The following SZT2 variants were observed in gnomAD, a reference collection of about 807,000 sequenced individuals.
SZT2 encodes the protein SZT2 subunit of KICSTOR complex, also known as KICSTOR complex protein SZT2.
A neutral mutation model predicts 404.2 loss-of-function variants in SZT2; 216 were observed. The ratio of observed to expected loss-of-function variants is 0.53; its 90% CI spans 0.48 to 0.60. The LOEUF is 0.60. Among genes scored for constraint, SZT2 ranks in the 20% least tolerant of loss-of-function variants. SZT2 has a pLI of 0.00. For missense variants in SZT2, 3,857 were observed against 4,459.2 expected (o/e 0.86, Z 3.85); for synonymous variants, 1,693 against 1,749.9 (o/e 0.97, Z 0.81).
Position 43,439,426 on chromosome 1 carries a change from G to C in SZT2, c.6861G>C (p.Gln2287His). Reference sequence around the variant, plus strand: ...ACTTGTATAACAAGCCTGGTGGACAGGGCACTGGGGGCAAAGGTACGGTGC... The same window carrying C: ...ACTTGTATAACAAGCCTGGTGGACACGGCACTGGGGGCAAAGGTACGGTGC... ...DIYLYNKPGG[Q>H]GTGGKGVACI... The change falls in exon 49 of 72, where the codon CAG becomes CAC. Residue 2287 changes from glutamine to histidine, a missense_variant. Coordinates refer to ENST00000634258, the MANE Select transcript of SZT2 (RefSeq NM_001365999.1). This position sits in a 1 kb window ranked among gnomAD's most constrained non-coding sequence, Gnocchi z 4.2. 13 of 1,612,072 alleles carry C rather than the reference G, an allele frequency of 8.1e-6. No individual in the cohort carries two copies. The highest frequency in any genetic ancestry group is 1.1e-5 in the Non-Finnish European group (13 of 1,178,938).
intron 14 of SZT2, 94 bp downstream of exon 14, chr1:43,422,977 G>A: frequency 6.7e-7 from 1 of 1,492,428 alleles, no homozygotes; most frequent in African/African-American, 1.4e-5. Context: ...CTAATAGAGG[G>A]AGGAGCCCCC....
Position 43,420,157 on chromosome 1 carries a change from T to C in SZT2, c.1095T>C (p.Ser365=). 1 of 1,598,352 alleles carries C rather than the reference T, an allele frequency of 6.3e-7. No homozygotes were observed. Among genetic ancestry groups the C allele is most frequent in the Non-Finnish European group, 8.5e-7 (1 of 1,179,748 alleles). Reference sequence around the variant, plus strand: ...CCATCTCCACTGGTCTTCCAGGCTCTCAGCACCGCCTATTTAATGAGCACC... The same window carrying C: ...CCATCTCCACTGGTCTTCCAGGCTCCCAGCACCGCCTATTTAATGAGCACC... ...EALNPEYYCG[S]QHRLFNEHLV... The change falls in exon 9 of 72, where the codon TCT becomes TCC. Residue 365 remains serine, a synonymous_variant. Coordinates refer to ENST00000634258, the MANE Select transcript of SZT2 (RefSeq NM_001365999.1). The surrounding 1 kb of genome is among the most constrained non-coding windows in gnomAD (Gnocchi z 5.1).
At chr1:43,411,956 T>G (rs928436674) in intron 4 of SZT2, 2 of 151,650 alleles carry the variant, frequency 1.3e-5, no homozygotes, top group African/African-American at 4.9e-5. Flanking sequence ...TGTTTTGTAT[T>G]TTAAGTAGAG....
In SZT2 at chr1:43,420,650, A is replaced by G. The variant is rs2782642; in HGVS notation, c.1262-99A>G. 0.38 allele frequency: 439,646 copies of G among 1,169,220 alleles called. 87,628 individuals carry two copies. The highest frequency in any genetic ancestry group is 0.41 in the Non-Finnish European group (343,022 of 829,172). 72.4% of individuals were successfully genotyped at this position (1,169,220 alleles called of 1,614,324 possible). A position where few individuals can be genotyped will look rare whatever the true frequency, so the allele number is the denominator to read the frequency against. On this transcript the variant is annotated intron_variant, in intron 9 of 71. Coordinates refer to ENST00000634258, the MANE Select transcript of SZT2 (RefSeq NM_001365999.1). This position sits in a 1 kb window ranked among gnomAD's most constrained non-coding sequence, Gnocchi z 5.1. The stretch of plus-strand genomic sequence containing the variant: ...AACCATGCTTGGAACCTTTGGCAGG[A>G]CTGGGTTCCATGAGGTAGGTGGGGG...
intron 70 of SZT2, chr1:43,449,162 C>T: frequency 5.1e-6 from 1 of 196,876 alleles, no homozygotes; most frequent in Non-Finnish European, 1.1e-5. Flanking sequence ...TCGGGATCTG[C>T]AGGTTGACAG....
rs1175329039 is a variant in SZT2 at position 43,439,292 on chromosome 1, GC to G, written c.6793-65del. 3.2e-6 allele frequency: 5 copies of G among 1,578,526 alleles called. No homozygotes were observed. The African/African-American group carries it at 5.4e-5, about 17-fold the overall frequency. ...ACCTGCACCACATTCCCCACTGTGGGCACCCATCCCCGAGGGTTTTGTCCAT... is the reference window on the plus strand; with the variant it reads ...ACCTGCACCACATTCCCCACTGTGGGACCCATCCCCGAGGGTTTTGTCCAT... On this transcript the variant is annotated intron_variant, in intron 48 of 71. Transcript: ENST00000634258. This position sits in a 1 kb window ranked among gnomAD's most constrained non-coding sequence, Gnocchi z 4.2.
At chr1:43,438,505 A>G (rs2153935217) in intron 46 of SZT2, among the ~76,000 whole-genome samples, 194 bp from the exon 47 acceptor site, 1 of 152,288 alleles carries the variant, frequency 6.6e-6, no homozygotes, top group African/African-American at 2.4e-5. Context: ...TTGAGAGTAA[A>G]ACTCAAGTGT....
At position 43,431,939 on chromosome 1, in the gene SZT2, G is replaced by A. The variant is rs947956343; in HGVS notation, c.5274+38G>A. The A allele has an allele frequency of 1.9e-6, 3 of 1,609,820 alleles. No individual in the cohort carries two copies. The Admixed American group carries it at 5.0e-5, about 27-fold the overall frequency. The stretch of plus-strand genomic sequence containing the variant: ...CCAAACACTGCAGGGTCACCTTGGG[G>A]CCCGTCCTTCCCTGGGCCCCAGGCA... On this transcript the variant is annotated intron_variant, in intron 36 of 71. Transcript: ENST00000634258.
rs570876816 is a variant in SZT2, at chr1:43,445,882, C to A, written c.8826-12C>A. On this transcript the variant is annotated splice_polypyrimidine_tract_variant and intron_variant, in intron 62 of 71. Transcript: ENST00000634258. ...CCTGCCTCATCCTCTTATCCCTCCTCCTTTTCTATAGCACCAGCCGGCCAC... is the reference window on the plus strand; with the variant it reads ...CCTGCCTCATCCTCTTATCCCTCCTACTTTTCTATAGCACCAGCCGGCCAC... 1.2e-6 allele frequency: 2 copies of A among 1,614,026 alleles called. No homozygotes were observed. Among genetic ancestry groups the A allele is most frequent in the African/African-American group, 2.7e-5 (2 of 75,070 alleles).
At chr1:43,400,872 C>CAA (rs745338229) in intron 1 of SZT2, among the ~76,000 whole-genome samples, 1 of 123,396 alleles carries the variant, frequency 8.1e-6, no homozygotes, top group Non-Finnish European at 1.8e-5. Context: ...AACTCCGTCT[C>CAA]AAAAAAAAAA....
At chr1:43,409,708 G>C (rs1650774151) in intron 4 of SZT2, 1 of 175,926 alleles carries the variant, frequency 5.7e-6, no homozygotes. Flanking sequence ...AACCAAAGAA[G>C]TGAAAGATCT....
At chr1:43,416,444 T>G (rs1651730638) in intron 6 of SZT2, 91 bp from the exon 7 acceptor site, 1 of 1,016,714 alleles carries the variant, frequency 9.8e-7, no homozygotes, top group African/African-American at 1.6e-5. Context: ...GGGAAGACAC[T>G]GAGCCGTTCA....
chr1:43,430,274 T>A, intron 30 of SZT2, 37 bp from the exon 31 acceptor site: 5 of 1,606,652 alleles, frequency 3.1e-6, no homozygotes, highest in Non-Finnish European at 4.3e-6. Context: ...GCAAGTGGGA[T>A]TCTTGCCTCA....
chr1:43,446,595 C>T, intron 65 of SZT2, 179 bp downstream of exon 65: 1 of 728,872 alleles, frequency 1.4e-6, no homozygotes, highest in Non-Finnish European at 2.3e-6. Context: ...GCACTCACTA[C>T]AAGGCTGACC....
intron 1 of SZT2, among the ~76,000 whole-genome samples, chr1:43,391,041 G>A (rs934903884): frequency 6.6e-6 from 1 of 152,210 alleles, no homozygotes; most frequent in Non-Finnish European, 1.5e-5. Context: ...AGTAAGCCGG[G>A]CGCAGTGGCT....
chr1:43,443,739 A>G lies in SZT2; in HGVS notation c.8768A>G (p.Tyr2923Cys). 1 of 1,614,170 alleles carries G rather than the reference A, an allele frequency of 6.2e-7. No homozygotes were observed. The highest frequency in any genetic ancestry group is 8.5e-7 in the Non-Finnish European group (1 of 1,180,022). The change falls in exon 62 of 72, where the codon TAT becomes TGT. Residue 2923 changes from tyrosine to cysteine, a missense_variant. Transcript: ENST00000634258. ...SLAFLQQYVQYLQSIGFVLVP... is the reference protein window; with the variant it reads ...SLAFLQQYVQCLQSIGFVLVP... ...GCTTTCCTGCAGCAATATGTGCAGT[A>G]TCTGCAGAGCATAGGTTTTGTGCTG...
intron 41 of SZT2, 55 bp from the exon 42 acceptor site, chr1:43,435,145 C>A: frequency 1.9e-6 from 3 of 1,597,912 alleles, no homozygotes; most frequent in Non-Finnish European, 2.6e-6. Context: ...CTGACCACCA[C>A]CACCCACTTA....
In SZT2 at chr1:43,452,865, A is replaced by T; in HGVS notation, c.*2385A>T. The T allele has an allele frequency of 6.4e-7, 1 of 1,567,334 alleles. No homozygotes were observed. Among genetic ancestry groups the T allele is most frequent in the South Asian group, 1.2e-5 (1 of 85,024 alleles). On this transcript the variant is annotated 3_prime_UTR_variant, in exon 72 of 72. Transcript: ENST00000634258. ...ATCTTAGCCACATCCAGCTCCAAGC[A>T]GACATTCCAGGCCTCCCCATCCCAA...
Position 43,448,329 on chromosome 1 carries a change from C to A in SZT2, c.9814C>A (p.His3272Asn), listed in dbSNP as rs1319566123. ...TCAGCTGGTGCGGCTGGCTGGAGGG[C>A]ACTGCCGTCGGGACACCCTTTGGAA... ...LAQLVRLAGG[H>N]CRRDTLWKRL... Residue 3272 changes from histidine (H) to asparagine (N), a missense_variant, in exon 69 of 72, where the codon CAC becomes AAC. Physicochemically the swap from His to Asn is moderately conservative, Grantham distance 68. Coordinates refer to ENST00000634258, the MANE Select transcript of SZT2 (RefSeq NM_001365999.1). This position sits in a 1 kb window ranked among gnomAD's most constrained non-coding sequence, Gnocchi z 4.2. 6.4e-7 allele frequency: 1 copy of A among 1,552,366 alleles called. No homozygotes were observed. Among genetic ancestry groups the A allele is most frequent in the Middle Eastern group, 1.7e-4 (1 of 5,770 alleles).
Sources: allele counts gnomAD v4.1 joint callset (sites outside exome capture counted in the v4.1 genomes callset), GRCh38; gene constraint gnomAD v4.1.1; non-coding constraint Gnocchi (gnomAD v3.1); transcripts MANE v1.5; gene names NCBI Gene and HGNC (gene_info 2026-07-23, HGNC 2026-07-21).